The following CFTR variants were observed in gnomAD, a reference collection of about 807,000 sequenced individuals.
CFTR encodes CF transmembrane conductance regulator.
CFTR carries 181 observed loss-of-function variants against 171.6 expected under a neutral mutation model. The ratio of observed to expected loss-of-function variants is 1.05; its 90% CI spans 0.93 to 1.19. The LOEUF (loss-of-function observed/expected upper bound fraction) is 1.19. Ranked by LOEUF, CFTR falls within the 50% of genes most tolerant of loss-of-function variation. The pLI is 0.00. For synonymous variants in CFTR, 583 were observed against 608.0 expected, an observed-to-expected ratio of 0.96 and a Z score of 0.60; for missense variants, 1,968 against 1,734.7, an observed-to-expected ratio of 1.13 and a Z score of -2.39.
intron 8 of CFTR, among the ~76,000 whole-genome samples, chr7:117,540,842 C>G (rs1270437641): frequency 1.3e-5 from 2 of 151,914 alleles, no homozygotes; most frequent in Non-Finnish European, 2.9e-5. Flanking sequence ...AAATGGTGTC[C>G]CATAGAACTA....
intron 3 of CFTR, among the ~76,000 whole-genome samples, chr7:117,522,050 T>A (rs534902815): frequency 6.6e-6 from 1 of 152,152 alleles, no homozygotes; most frequent in South Asian, 2.1e-4. Flanking sequence ...ATAGGAGACA[T>A]TTTTAGTCTT....
intron 1 of CFTR, among the ~76,000 whole-genome samples, chr7:117,501,757 A>AG (rs1798331605): frequency 6.7e-6 from 1 of 149,440 alleles, no homozygotes; most frequent in Non-Finnish European, 1.5e-5. Context: ...CAAAAAAAAA[A>AG]AAAAAAAAAA....
intron 11 of CFTR, among the ~76,000 whole-genome samples, chr7:117,562,929 G>A (rs2115949665): frequency 6.6e-6 from 1 of 152,258 alleles, no homozygotes; most frequent in Middle Eastern, 3.4e-3. Context: ...CATAGAACCA[G>A]ACAGAACCAG....
chr7:117,646,274 A>G (rs556438132), intron 23 of CFTR, among the ~76,000 whole-genome samples: 2 of 152,314 alleles, frequency 1.3e-5, no homozygotes, highest in African/African-American at 4.8e-5. Context: ...TTCCTTGAGC[A>G]AAAGAAATAA....
intron 3 of CFTR, among the ~76,000 whole-genome samples, chr7:117,523,672 C>T (rs774559882): frequency 3.7e-4 from 56 of 152,148 alleles, no homozygotes; most frequent in African/African-American, 9.7e-4. Flanking sequence ...CCACCGCGCC[C>T]GGCCCCTGTC....
chr7:117,650,318 T>C (rs1333632762), intron 23 of CFTR, among the ~76,000 whole-genome samples: 1 of 152,074 alleles, frequency 6.6e-6, no homozygotes, highest in Non-Finnish European at 1.5e-5. Flanking sequence ...GGGAGAAAGA[T>C]AAGTCATGAA....
chr7:117,642,957 G>GA (rs1290879080), intron 23 of CFTR, among the ~76,000 whole-genome samples: 1 of 152,118 alleles, frequency 6.6e-6, no homozygotes, highest in East Asian at 1.9e-4. Flanking sequence ...AGATGCTCCT[G>GA]AAATAACAAA....
chr7:117,491,696 G>A (rs893738274), intron 1 of CFTR, among the ~76,000 whole-genome samples: 4 of 151,892 alleles, frequency 2.6e-5, no homozygotes, highest in Non-Finnish European at 5.9e-5. Flanking sequence ...TTAATATAAG[G>A]ACACCAGTCA....
intron 6 of CFTR, 114 bp downstream of exon 6, chr7:117,535,525 AT>A (rs764945997): frequency 0.12 from 56,549 of 484,586 alleles, no homozygotes; most frequent in East Asian, 0.17. Flanking sequence ...GTGTCATTAA[AT>A]TTTTTTTTTT....
At chr7:117,634,313 G>T (rs1792794179) in intron 22 of CFTR, among the ~76,000 whole-genome samples, 1 of 152,014 alleles carries the variant, frequency 6.6e-6, no homozygotes, top group Admixed American at 6.6e-5. Flanking sequence ...ATGTGCAAGG[G>T]ATCTGTAGTG....
At chr7:117,603,989 T>A (rs971506616) in intron 17 of CFTR, among the ~76,000 whole-genome samples, 3 of 152,090 alleles carry the variant, frequency 2.0e-5, no homozygotes, top group African/African-American at 7.2e-5. Context: ...ATAATTAGAG[T>A]AGCTTGGTTT....
intron 10 of CFTR, among the ~76,000 whole-genome samples, chr7:117,550,773 G>A (rs1363064958): frequency 6.6e-6 from 1 of 152,164 alleles, no homozygotes; most frequent in African/African-American, 2.4e-5. Context: ...GATAATTACT[G>A]GCTGACAGTG....
intron 1 of CFTR, among the ~76,000 whole-genome samples, chr7:117,487,357 A>G (rs1727237491): frequency 1.3e-5 from 2 of 152,100 alleles, no homozygotes; most frequent in Admixed American, 1.3e-4. Flanking sequence ...GTTAAATTCT[A>G]CTTAGAAATT....
At chr7:117,483,556 T>G (rs907474238) in intron 1 of CFTR, among the ~76,000 whole-genome samples, 1 of 152,032 alleles carries the variant, frequency 6.6e-6, no homozygotes, top group Non-Finnish European at 1.5e-5. Context: ...TAAAGACAAT[T>G]CTTTTGTTTG....
intron 21 of CFTR, among the ~76,000 whole-genome samples, chr7:117,615,322 C>T (rs963760519): frequency 3.1e-4 from 47 of 152,074 alleles, no homozygotes; most frequent in African/African-American, 1.1e-3. Flanking sequence ...ATCCCTCAGT[C>T]AGTGGCTTGG....
intron 9 of CFTR, among the ~76,000 whole-genome samples, chr7:117,545,571 T>A (rs1799126619): frequency 6.6e-6 from 1 of 152,180 alleles, no homozygotes; most frequent in Non-Finnish European, 1.5e-5. Flanking sequence ...ATTCTCTGTC[T>A]CCTTTGATAG....
intron 23 of CFTR, among the ~76,000 whole-genome samples, chr7:117,645,491 G>A (rs950794196): frequency 1.2e-4 from 19 of 152,192 alleles, no homozygotes; most frequent in Admixed American, 1.2e-3. Context: ...GTTAGGGAGT[G>A]TGATGTGGGT....
chr7:117,549,568 GA>G (rs1462344447), intron 10 of CFTR, among the ~76,000 whole-genome samples: 1 of 152,124 alleles, frequency 6.6e-6, no homozygotes, highest in African/African-American at 2.4e-5. Flanking sequence ...TTAAAGACAT[GA>G]AAGAATCAAA....
intron 11 of CFTR, among the ~76,000 whole-genome samples, chr7:117,565,140 C>G (rs192170529): frequency 8.1e-4 from 124 of 152,294 alleles, no homozygotes; most frequent in Non-Finnish European, 1.5e-3. Context: ...CTTATCCTAC[C>G]ATTTTTCTTC....
Sources: gnomAD v4.1 joint callset for allele counts (sites outside exome capture counted in the v4.1 genomes callset) on GRCh38, gnomAD v4.1.1 for gene constraint, MANE v1.5 for transcripts, NCBI Gene and HGNC (gene_info 2026-07-23, HGNC 2026-07-21) for gene names.